Variants in DNM2 observed in about 807,000 individuals in gnomAD.
DNM2 encodes dynamin-2.
In DNM2, 15 loss-of-function variants were observed where a neutral mutation model predicts 99.0. That is an observed-to-expected ratio of 0.15 (90% confidence interval 0.10 to 0.23). The LOEUF (loss-of-function observed/expected upper bound fraction) is 0.23, where lower values mean the gene tolerates loss of function less well. Ranked by LOEUF, DNM2 falls within the 10% of genes least tolerant of loss-of-function variation. The probability of loss-of-function intolerance (pLI) is 1.00; values close to 1 mark genes in which losing one functional copy is unlikely to be tolerated. For missense variants in DNM2, 742 were observed against 1,189.4 expected (o/e 0.62, Z 5.53); for synonymous variants, 525 against 481.2 (o/e 1.09, Z -1.19).
At chr19:10,735,768 G>A (rs1238979138) in intron 1 of DNM2, among the ~76,000 whole-genome samples, 2 of 151,248 alleles carry the variant, frequency 1.3e-5, no homozygotes, top group Non-Finnish European at 3.0e-5. Flanking sequence ...CTTGCCTCTG[G>A]CTCCCAAAGT....
chr19:10,772,502 A>G lies in DNM2; in HGVS notation c.259A>G (p.Lys87Glu). The G allele has an allele frequency of 6.2e-7, 1 of 1,614,156 alleles. No homozygotes were observed. Among genetic ancestry groups the G allele is most frequent in the Non-Finnish European group, 8.5e-7 (1 of 1,180,022 alleles). Residue 87 changes from lysine (K) to glutamate (E), a missense_variant, in exon 3 of 21, where the codon AAG becomes GAG. Around this residue, in one of 7 missense-constraint regions of DNM2, gnomAD observed 192 missense variants for 358.9 expected, o/e 0.54. Coordinates refer to ENST00000389253, the MANE Select transcript of DNM2 (RefSeq NM_001005361.3). This position sits in a 1 kb window ranked among gnomAD's most constrained non-coding sequence, Gnocchi z 4.9. ...AGAACATGCCGAGTTTTTGCACTGC[A>G]AGTCCAAAAAGTTTACAGACTTTGA... ...KTEHAEFLHCKSKKFTDFDEV... is the reference protein window; with the variant it reads ...KTEHAEFLHCESKKFTDFDEV...
In DNM2 at chr19:10,795,832, C is replaced by T; in HGVS notation, c.1196+393C>T. On this transcript the variant is annotated intron_variant, in intron 9 of 20. Transcript: ENST00000389253. The surrounding 1 kb of genome is among the most constrained non-coding windows in gnomAD (Gnocchi z 4.2). ...TGGCTTCCTCGTGAGCCTCTTGGGT[C>T]CCCTCCTTATTCTAACAAAGGTAGT... The T allele has an allele frequency of 1.5e-6, 1 of 654,578 alleles. No homozygotes were observed. Among genetic ancestry groups the T allele is most frequent in the Non-Finnish European group, 2.6e-6 (1 of 377,540 alleles). The allele number at this position is 654,578 out of a possible 1,614,324, so 40.5% of individuals were successfully genotyped here.
chr19:10,806,286 G>A (rs910215242), intron 13 of DNM2, among the ~76,000 whole-genome samples: 5 of 152,114 alleles, frequency 3.3e-5, no homozygotes, highest in South Asian at 2.1e-4. Flanking sequence ...TTGGGAGGCC[G>A]AGGTGGGAGG....
rs1568325321 is a variant in DNM2, at chr19:10,830,453, G to C, written c.2543+75G>C. 5.3e-6 allele frequency: 8 copies of C among 1,517,748 alleles called. No individual in the cohort carries two copies. The South Asian group carries it at 8.1e-5, about 15-fold the overall frequency. 94.0% of individuals were successfully genotyped at this position (1,517,748 alleles called of 1,614,324 possible). On this transcript the variant is annotated intron_variant, in intron 20 of 20. Transcript: ENST00000389253. The surrounding 1 kb of genome is among the most constrained non-coding windows in gnomAD (Gnocchi z 4.8). ...TCTCCTCCTGTCTCACTTCCTCCCA[G>C]TGAGCTCTCACTACGTGCCCAGCTG...
At position 10,718,158 on chromosome 19, in the gene DNM2, G is replaced by A; in HGVS notation, c.-85G>A. ...GAGGCCCGGGCGGGCGGGGAGCAAC[G>A]GCTACAGACGCCGCGGGGCCAGGTC... On this transcript the variant is annotated 5_prime_UTR_variant, in exon 1 of 21. Transcript: ENST00000389253. 3.9e-6 allele frequency: 5 copies of A among 1,274,444 alleles called. No homozygotes were observed. Among genetic ancestry groups the A allele is most frequent in the Non-Finnish European group, 4.0e-6 (4 of 1,010,124 alleles). 78.9% of individuals were successfully genotyped at this position (1,274,444 alleles called of 1,614,324 possible). A position where few individuals can be genotyped will look rare whatever the true frequency, so the allele number is the denominator to read the frequency against.
chr19:10,765,488 T>A lies in DNM2; in HGVS notation c.235+5677T>A, dbSNP rs887337934. ...CCTGGTCCATCACTCTGCCATTCCA[T>A]CTGCAGCCTTGTATCTAGAGAGCAG... On this transcript the variant is annotated intron_variant, in intron 2 of 20. Transcript: ENST00000389253. This position sits in a 1 kb window ranked among gnomAD's most constrained non-coding sequence, Gnocchi z 4.4. Among the ~76,000 whole-genome samples the A allele has an allele frequency of 6.6e-6, 1 of 152,230 alleles. No homozygotes were observed. Among genetic ancestry groups the A allele is most frequent in the Non-Finnish European group, 1.5e-5 (1 of 68,038 alleles).
chr19:10,740,328 G>A (rs1047873495), intron 1 of DNM2, among the ~76,000 whole-genome samples: 2 of 151,462 alleles, frequency 1.3e-5, no homozygotes, highest in African/African-American at 4.8e-5. Flanking sequence ...TGAGGTTCTT[G>A]AAGTGGAAGA....
At chr19:10,758,068 C>T (rs1049050221) in intron 1 of DNM2, among the ~76,000 whole-genome samples, 3 of 152,024 alleles carry the variant, frequency 2.0e-5, no homozygotes, top group African/African-American at 7.2e-5. Flanking sequence ...GTTTCTACTT[C>T]AGTCCTCACT....
At chr19:10,729,189 A>AAAAT (rs1568265508) in intron 1 of DNM2, among the ~76,000 whole-genome samples, 9 of 145,962 alleles carry the variant, frequency 6.2e-5, no homozygotes, top group East Asian at 4.0e-4. Flanking sequence ...AAAAAAAAAA[A>AAAAT]ATATAAAAAA....
chr19:10,787,154 T>G (rs2071587491), intron 7 of DNM2, among the ~76,000 whole-genome samples: 1 of 151,588 alleles, frequency 6.6e-6, no homozygotes, highest in Non-Finnish European at 1.5e-5. Flanking sequence ...ATCAACATGG[T>G]GAAACCCCGT....
At chr19:10,788,147 C>T (rs148112213) in intron 7 of DNM2, among the ~76,000 whole-genome samples, 1,754 of 150,888 alleles carry the variant, frequency 0.012, 19 homozygotes, top group Non-Finnish European at 0.017. Context: ...GCAAGAGAAT[C>T]GCTTGAAGCC....
At position 10,795,451 on chromosome 19, in the gene DNM2, G is replaced by A. The variant is rs547583878; in HGVS notation, c.1196+12G>A. ...ATCCATGGAGTCAGGCAAGTTCCACGAGGAGAGTCACCACTGTTCCTTCCT... is the reference window on the plus strand; with the variant it reads ...ATCCATGGAGTCAGGCAAGTTCCACAAGGAGAGTCACCACTGTTCCTTCCT... On this transcript the variant is annotated intron_variant, in intron 9 of 20. Transcript: ENST00000389253. This position sits in a 1 kb window ranked among gnomAD's most constrained non-coding sequence, Gnocchi z 4.2. 87 of 1,613,974 alleles carry A rather than the reference G, an allele frequency of 5.4e-5. No individual in the cohort carries two copies. In the South Asian group the frequency reaches 9.0e-4, roughly 17 times the overall value.
At chr19:10,723,475 CCAGGCT>C (rs2069010311) in intron 1 of DNM2, among the ~76,000 whole-genome samples, 1 of 152,056 alleles carries the variant, frequency 6.6e-6, no homozygotes, top group African/African-American at 2.4e-5. Flanking sequence ...GCCATGTTGG[CCAGGCT>C]GGTTCCAAAC....
intron 2 of DNM2, among the ~76,000 whole-genome samples, chr19:10,767,218 TAAAA>T (rs5827112): frequency 7.0e-6 from 1 of 142,826 alleles, no homozygotes; most frequent in Non-Finnish European, 1.5e-5. Context: ...AGTGGATTGT[TAAAA>T]AAAAAAAAAA....
intron 7 of DNM2, among the ~76,000 whole-genome samples, chr19:10,787,162 C>T (rs149875982): frequency 6.6e-6 from 1 of 151,636 alleles, no homozygotes; most frequent in East Asian, 2.0e-4. Context: ...GGTGAAACCC[C>T]GTCTCTACTG....
rs1405110623 is a variant in DNM2 at position 10,811,668 on chromosome 19, G to A, written c.1558-596G>A. On this transcript the variant is annotated intron_variant, in intron 14 of 20. Transcript: ENST00000389253. The surrounding 1 kb of genome is among the most constrained non-coding windows in gnomAD (Gnocchi z 5.4). ...CCAGGCTGCCTGCCGTTAGTTGTCA[G>A]GTGAGTCCCTGCGCAGGCCTGGGTT... 3 of 511,442 alleles carry A rather than the reference G, an allele frequency of 5.9e-6. No homozygotes were observed. The highest frequency in any genetic ancestry group is 1.4e-5 in the South Asian group (1 of 70,002). The allele number at this position is 511,442 out of a possible 1,614,324, so 31.7% of individuals were successfully genotyped here. A position where few individuals can be genotyped will look rare whatever the true frequency, so the allele number is the denominator to read the frequency against.
intron 1 of DNM2, among the ~76,000 whole-genome samples, chr19:10,754,476 C>A (rs1321752961): frequency 6.6e-6 from 1 of 152,110 alleles, no homozygotes; most frequent in Non-Finnish European, 1.5e-5. Flanking sequence ...TGGTCTTGAT[C>A]TGCTGACCTC....
intron 1 of DNM2, among the ~76,000 whole-genome samples, chr19:10,722,791 C>T (rs940917785): frequency 6.6e-6 from 1 of 152,024 alleles, no homozygotes; most frequent in Non-Finnish European, 1.5e-5. Flanking sequence ...CCACGCTTGG[C>T]TAATTTTTCA....
In DNM2 at chr19:10,796,377, C is replaced by T. The variant is rs2071933828; in HGVS notation, c.1196+938C>T. Among the ~76,000 whole-genome samples, 1 of 152,136 alleles carries T rather than the reference C, an allele frequency of 6.6e-6. No homozygotes were observed. Among genetic ancestry groups the T allele is most frequent in the South Asian group, 2.1e-4 (1 of 4,832 alleles). On this transcript the variant is annotated intron_variant, in intron 9 of 20. Coordinates refer to ENST00000389253, the MANE Select transcript of DNM2 (RefSeq NM_001005361.3). This position sits in a 1 kb window ranked among gnomAD's most constrained non-coding sequence, Gnocchi z 5.6. Reference sequence around the variant, plus strand: ...GGGCAGGAGCATGTAGGCCTGGGCCCAGGCACACAGGGGAGTGCCAGGCCT... The same window carrying T: ...GGGCAGGAGCATGTAGGCCTGGGCCTAGGCACACAGGGGAGTGCCAGGCCT...
Sources: allele counts gnomAD v4.1 joint callset (sites outside exome capture counted in the v4.1 genomes callset), GRCh38; gene constraint gnomAD v4.1.1; regional missense constraint gnomAD v4.1.1; non-coding constraint Gnocchi (gnomAD v3.1); transcripts MANE v1.5; gene names NCBI Gene and HGNC (gene_info 2026-07-23, HGNC 2026-07-21).